C8orf34: variants seen among roughly 807,000 people sequenced by gnomAD.
C8orf34 encodes uncharacterized protein C8orf34.
C8orf34 carries 65 observed loss-of-function variants against 68.3 expected under a neutral mutation model. That is an observed-to-expected ratio of 0.95 (90% CI 0.78 to 1.17). The LOEUF is 1.17. Ranked by LOEUF, C8orf34 falls within the 50% of genes most tolerant of loss-of-function variation. The pLI, the probability that C8orf34 is intolerant of heterozygous loss-of-function variation, is 0.00. For missense variants in C8orf34, 664 were observed against 655.4 expected, an observed-to-expected ratio of 1.01 and a Z score of -0.14; for synonymous variants, 244 against 241.2, an observed-to-expected ratio of 1.01 and a Z score of -0.11.
intron 3 of C8orf34, among the ~76,000 whole-genome samples, chr8:68,457,726 C>G (rs1486461192): frequency 1.3e-5 from 2 of 152,006 alleles, no homozygotes; most frequent in African/African-American, 2.4e-5. Flanking sequence ...GCTGTGGGTA[C>G]CTTGCACCTG....
chr8:68,782,583 G>A (rs1425774272), intron 11 of C8orf34, among the ~76,000 whole-genome samples: 1 of 152,046 alleles, frequency 6.6e-6, no homozygotes, highest in African/African-American at 2.4e-5. Context: ...TCCCAAAAGA[G>A]ACTTTAGCAT....
chr8:68,440,699 C>T (rs947626483), intron 2 of C8orf34, among the ~76,000 whole-genome samples: 1 of 152,052 alleles, frequency 6.6e-6, no homozygotes. Flanking sequence ...TAAGATGGTA[C>T]CCACCACATA....
chr8:68,454,718 T>G (rs1297406308), intron 3 of C8orf34, among the ~76,000 whole-genome samples: 2 of 152,038 alleles, frequency 1.3e-5, no homozygotes, highest in Non-Finnish European at 2.9e-5. Context: ...GCTGATTTTC[T>G]CTATTGTTTT....
rs182310319 is a variant in C8orf34, at chr8:68,380,554, A to G, written c.327+49215A>G. Among the ~76,000 whole-genome samples the G allele has an allele frequency of 1.2e-3, 176 of 152,382 alleles. 1 individual carries two copies. The highest frequency in any genetic ancestry group is 4.0e-3 in the African/African-American group (167 of 41,598). On this transcript the variant is annotated intron_variant, in intron 1 of 13. Coordinates refer to ENST00000518698, the MANE Select transcript of C8orf34 (RefSeq NM_052958.4). ...TTGGCTCCATGGCTGTCAAGCCAGC[A>G]AAACTGTTGACAGGTTTTTTTAGAT...
chr8:68,688,582 C>G (rs1327904340), intron 8 of C8orf34, among the ~76,000 whole-genome samples: 1 of 152,040 alleles, frequency 6.6e-6, no homozygotes, highest in African/African-American at 2.4e-5. Flanking sequence ...ATGGAACCAA[C>G]CCAAATGCTC....
chr8:68,331,041 C>T lies in C8orf34; in HGVS notation c.29C>T (p.Ser10Phe), dbSNP rs542978789. 22 of 1,471,556 alleles carry T rather than the reference C, an allele frequency of 1.5e-5. No individual in the cohort carries two copies. In the African/African-American group the frequency reaches 2.7e-4, roughly 18 times the overall value. The allele number at this position is 1,471,556 out of a possible 1,614,324, so 91.2% of individuals were successfully genotyped here. A position where few individuals can be genotyped will look rare whatever the true frequency, so the allele number is the denominator to read the frequency against. Residue 10 changes from serine (S) to phenylalanine (F), a missense_variant, in exon 1 of 14, where the codon TCT becomes TTT. Coordinates refer to ENST00000518698, the MANE Select transcript of C8orf34 (RefSeq NM_052958.4). MSSPLASEL[S>F]ELAALRPGFR... ...AGTTCTCCCCTCGCCTCGGAGTTGT[C>T]TGAGTTGGCGGCGCTGCGCCCAGGC...
chr8:68,800,760 G>T (rs1393436767), intron 12 of C8orf34, among the ~76,000 whole-genome samples: 1 of 152,164 alleles, frequency 6.6e-6, no homozygotes, highest in Non-Finnish European at 1.5e-5. Flanking sequence ...CCAAAAGAAT[G>T]ACAGTGACTT....
chr8:68,804,982 T>C (rs889929879), intron 12 of C8orf34, among the ~76,000 whole-genome samples: 2 of 152,174 alleles, frequency 1.3e-5, no homozygotes, highest in Non-Finnish European at 2.9e-5. Flanking sequence ...ACCACAAACG[T>C]CAGTCCCCTG....
At chr8:68,665,547 T>C (rs1233681490) in intron 8 of C8orf34, among the ~76,000 whole-genome samples, 1 of 152,178 alleles carries the variant, frequency 6.6e-6, no homozygotes, top group Non-Finnish European at 1.5e-5. Context: ...CTGCCCCTTT[T>C]CTTCTCTTAC....
intron 8 of C8orf34, among the ~76,000 whole-genome samples, chr8:68,645,291 AAC>A (rs144101184): frequency 0.012 from 1,854 of 152,322 alleles, 38 homozygotes; most frequent in African/African-American, 0.041. Context: ...AACTAGAAAC[AAC>A]ACAGTTTTCT....
intron 10 of C8orf34, among the ~76,000 whole-genome samples, chr8:68,747,995 G>C (rs1040984207): frequency 4.6e-5 from 7 of 151,374 alleles, no homozygotes; most frequent in East Asian, 1.9e-4. Context: ...ATACTACAAG[G>C]CTACAGTAAC....
intron 1 of C8orf34, among the ~76,000 whole-genome samples, chr8:68,370,398 C>A (rs574299442): frequency 6.6e-6 from 1 of 152,294 alleles, no homozygotes; most frequent in Non-Finnish European, 1.5e-5. Flanking sequence ...AATCCATCAT[C>A]CCAGCTGAAA....
intron 8 of C8orf34, among the ~76,000 whole-genome samples, chr8:68,694,715 G>T (rs1162736928): frequency 6.6e-6 from 1 of 151,830 alleles, no homozygotes; most frequent in Non-Finnish European, 1.5e-5. Flanking sequence ...ATCCACATCT[G>T]GGGGCTTCTT....
intron 8 of C8orf34, among the ~76,000 whole-genome samples, chr8:68,673,104 C>G (rs1285189106): frequency 6.6e-6 from 1 of 152,026 alleles, no homozygotes; most frequent in Non-Finnish European, 1.5e-5. Flanking sequence ...CTCTTGGGCC[C>G]TGCATAACCA....
At chr8:68,688,633 A>C (rs560408531) in intron 8 of C8orf34, among the ~76,000 whole-genome samples, 2 of 152,268 alleles carry the variant, frequency 1.3e-5, no homozygotes, top group South Asian at 4.1e-4. Flanking sequence ...GTACATATAC[A>C]CCATGGAATA....
At chr8:68,532,955 G>A in intron 6 of C8orf34, 28 bp from the exon 7 acceptor site, 2 of 1,495,056 alleles carry the variant, frequency 1.3e-6, no homozygotes, top group South Asian at 1.2e-5. Context: ...ACTTATCACA[G>A]CTAATTAACA....
At chr8:68,590,480 C>A (rs1447902527) in intron 7 of C8orf34, among the ~76,000 whole-genome samples, 1 of 151,846 alleles carries the variant, frequency 6.6e-6, no homozygotes, top group Non-Finnish European at 1.5e-5. Flanking sequence ...TCCTGTTGTA[C>A]GGGAACAGGA....
intron 10 of C8orf34, among the ~76,000 whole-genome samples, chr8:68,731,515 T>C (rs946002624): frequency 2.0e-5 from 3 of 152,202 alleles, no homozygotes; most frequent in Non-Finnish European, 2.9e-5. Flanking sequence ...TTTTCAGAAA[T>C]TAAACTCTTT....
At chr8:68,432,185 A>G (rs1810478620) in intron 1 of C8orf34, among the ~76,000 whole-genome samples, 1 of 151,824 alleles carries the variant, frequency 6.6e-6, no homozygotes, top group South Asian at 2.1e-4. Context: ...GCACCGTTGT[A>G]AAAGTGCATA....
Sources: gnomAD v4.1 joint callset for allele counts (sites outside exome capture counted in the v4.1 genomes callset) on GRCh38, gnomAD v4.1.1 for gene constraint, MANE v1.5 for transcripts, NCBI Gene and HGNC (gene_info 2026-07-23, HGNC 2026-07-21) for gene names.